Variants in FAM227B observed in about 807,000 individuals in gnomAD.
FAM227B encodes the protein family with sequence similarity 227 member B.
A neutral mutation model predicts 73.8 loss-of-function variants in FAM227B; 88 were observed. The observed-to-expected ratio is 1.19, with a 90% CI of 1.00 to 1.42. The LOEUF is 1.42. Ranked by LOEUF, FAM227B falls within the 40% of genes most tolerant of loss-of-function variation. The pLI is 0.00. For missense variants in FAM227B, 632 were observed against 590.9 expected (o/e 1.07, Z -0.72); for synonymous variants, 210 against 190.5 (o/e 1.10, Z -0.84).
At chr15:49,554,365 A>G (rs2073406461) in intron 9 of FAM227B, among the ~76,000 whole-genome samples, 1 of 152,138 alleles carries the variant, frequency 6.6e-6, no homozygotes, top group Non-Finnish European at 1.5e-5. Flanking sequence ...GTTCAGTAAT[A>G]GGTCTTGCTT....
At chr15:49,437,109 C>A (rs2051176466) in intron 11 of FAM227B, among the ~76,000 whole-genome samples, 1 of 151,458 alleles carries the variant, frequency 6.6e-6, no homozygotes. Context: ...TACTTCTGTT[C>A]TTTAGGGTCT....
intron 11 of FAM227B, among the ~76,000 whole-genome samples, chr15:49,463,064 T>C (rs950696398): frequency 2.6e-5 from 4 of 152,206 alleles, no homozygotes; most frequent in Non-Finnish European, 5.9e-5. Context: ...TATGGAAATA[T>C]AACCTGTTTG....
At position 49,615,734 on chromosome 15, in the gene FAM227B, C is replaced by T. The variant is rs139533972; in HGVS notation, c.-72-491G>A. On this transcript the variant is annotated intron_variant, in intron 1 of 15. Transcript: ENST00000299338. ...TTATAGCAATGTGAGAACGGACTAA[C>T]GCAGCAGGGGAGGAAGGGCTGGAAA... 3.2e-4 allele frequency among the ~76,000 whole-genome samples: 49 copies of T among 152,224 alleles called. No individual in the cohort carries two copies. In the East Asian group the frequency reaches 5.8e-3, roughly 18 times the overall value.
intron 11 of FAM227B, among the ~76,000 whole-genome samples, chr15:49,440,758 G>C (rs2051559388): frequency 6.6e-6 from 1 of 151,692 alleles, no homozygotes; most frequent in South Asian, 2.1e-4. Context: ...GTAAACAACA[G>C]AGTCAGGACC....
intron 10 of FAM227B, among the ~76,000 whole-genome samples, chr15:49,523,492 T>G (rs1316200067): frequency 6.6e-6 from 1 of 152,170 alleles, no homozygotes; most frequent in East Asian, 1.9e-4. Flanking sequence ...CTAAGTCCAT[T>G]AAATCTTTTT....
intron 11 of FAM227B, among the ~76,000 whole-genome samples, chr15:49,464,217 C>T (rs988840221): frequency 1.3e-5 from 2 of 151,706 alleles, no homozygotes; most frequent in Non-Finnish European, 2.9e-5. Flanking sequence ...ATTTAAAAAG[C>T]GGTGATTCTG....
chr15:49,367,677 T>TG, intron 12 of FAM227B, 69 bp from the exon 13 acceptor site: 1 of 1,349,240 alleles, frequency 7.4e-7, no homozygotes, highest in Non-Finnish European at 1.0e-6. Context: ...GAATAAAATA[T>TG]AACTTCATAT....
At chr15:49,368,067 A>G (rs528932680) in intron 12 of FAM227B, among the ~76,000 whole-genome samples, 1 of 152,194 alleles carries the variant, frequency 6.6e-6, no homozygotes, top group South Asian at 2.1e-4. Context: ...AAAACCTCAA[A>G]AGCAAGAGTA....
In FAM227B at chr15:49,558,400, G is replaced by A. The variant is rs561786928; in HGVS notation, c.747+9845C>T. On this transcript the variant is annotated intron_variant, in intron 9 of 15. Coordinates refer to ENST00000299338, the MANE Select transcript of FAM227B (RefSeq NM_152647.3). ...GAAGTCTAGCACTGCTTGGGTAAAA[G>A]TGAAGTGCAAGTGTGCCATGTGCCC... Among the ~76,000 whole-genome samples the A allele has an allele frequency of 4.6e-5, 7 of 152,304 alleles. No homozygotes were observed. The South Asian group carries it at 1.4e-3, about 32-fold the overall frequency.
chr15:49,564,750 A>G (rs1473904537), intron 9 of FAM227B, among the ~76,000 whole-genome samples: 1 of 152,066 alleles, frequency 6.6e-6, no homozygotes, highest in African/African-American at 2.4e-5. Context: ...AGAAAACCAA[A>G]TACCACATGT....
chr15:49,539,184 T>C (rs1323523055), intron 10 of FAM227B, among the ~76,000 whole-genome samples: 2 of 152,116 alleles, frequency 1.3e-5, no homozygotes, highest in Non-Finnish European at 2.9e-5. Context: ...ACATTCCCCA[T>C]GCAGCTCTGT....
intron 5 of FAM227B, among the ~76,000 whole-genome samples, chr15:49,584,892 G>C (rs2076050267): frequency 6.6e-6 from 1 of 152,086 alleles, no homozygotes; most frequent in Non-Finnish European, 1.5e-5. Context: ...ACTACCATCA[G>C]AGTGAACAGG....
At chr15:49,526,563 T>A (rs1429312526) in intron 10 of FAM227B, among the ~76,000 whole-genome samples, 1 of 152,038 alleles carries the variant, frequency 6.6e-6, no homozygotes, top group Admixed American at 6.6e-5. Context: ...GAAGTGAATG[T>A]AATTGAGATT....
intron 11 of FAM227B, among the ~76,000 whole-genome samples, chr15:49,460,853 T>G (rs1485452726): frequency 6.6e-6 from 1 of 152,184 alleles, no homozygotes; most frequent in Non-Finnish European, 1.5e-5. Context: ...CATTGTTTGT[T>G]TGATTATGTT....
At chr15:49,335,179 C>T (rs1323342827) in intron 14 of FAM227B, among the ~76,000 whole-genome samples, 1 of 152,080 alleles carries the variant, frequency 6.6e-6, no homozygotes, top group Non-Finnish European at 1.5e-5. Context: ...TGTTGGGGTG[C>T]ACCCCTCCAG....
At chr15:49,552,373 ATGT>A (rs1442918857) in intron 9 of FAM227B, among the ~76,000 whole-genome samples, 1 of 134,844 alleles carries the variant, frequency 7.4e-6, no homozygotes, top group African/African-American at 3.0e-5. Context: ...GCATTATTGT[ATGT>A]TGTTTCTTTC....
At chr15:49,362,321 C>A (rs1366450729) in intron 13 of FAM227B, among the ~76,000 whole-genome samples, 1 of 152,084 alleles carries the variant, frequency 6.6e-6, no homozygotes, top group Non-Finnish European at 1.5e-5. Context: ...ACTCTCCTAC[C>A]ACCACGTGAA....
intron 9 of FAM227B, among the ~76,000 whole-genome samples, chr15:49,543,819 C>G (rs1209644380): frequency 6.6e-6 from 1 of 152,038 alleles, no homozygotes; most frequent in African/African-American, 2.4e-5. Flanking sequence ...AAGTATTTGG[C>G]TTTATTTCAG....
intron 13 of FAM227B, among the ~76,000 whole-genome samples, chr15:49,339,042 AG>A (rs2040257619): frequency 6.6e-6 from 1 of 151,996 alleles, no homozygotes; most frequent in Non-Finnish European, 1.5e-5. Flanking sequence ...CCTTTTTTCA[AG>A]GTTCTTAGCT....
Sources: allele counts gnomAD v4.1 joint callset (sites outside exome capture counted in the v4.1 genomes callset), GRCh38; gene constraint gnomAD v4.1.1; transcripts MANE v1.5; gene names NCBI Gene and HGNC (gene_info 2026-07-23, HGNC 2026-07-21).